Variants in SULT4A1 observed in about 807,000 individuals in gnomAD.
SULT4A1 encodes the protein sulfotransferase family 4A member 1, also known as sulfotransferase 4A1.
A neutral mutation model predicts 35.2 loss-of-function variants in SULT4A1; 11 were observed. The observed-to-expected ratio is 0.31, with a 90% confidence interval of 0.20 to 0.52. The LOEUF (loss-of-function observed/expected upper bound fraction) is 0.52, where lower values mean the gene tolerates loss of function less well. Among genes scored for constraint, SULT4A1 ranks in the 20% least tolerant of loss-of-function variants. The pLI is 0.97. For synonymous variants in SULT4A1, 152 were observed against 151.8 expected (o/e 1.00, Z -0.01); for missense variants, 271 against 383.7 (o/e 0.71, Z 2.45).
intron 1 of SULT4A1, 152 bp from the exon 2 acceptor site, chr22:43,842,084 C>G (rs997412740): frequency 2.4e-6 from 3 of 1,252,346 alleles, no homozygotes; most frequent in Non-Finnish European, 3.2e-6. Flanking sequence ...GCGCCCCGCA[C>G]GGTCTCAGCC....
intron 1 of SULT4A1, among the ~76,000 whole-genome samples, chr22:43,853,564 G>C (rs572057006): frequency 6.6e-6 from 1 of 152,330 alleles, no homozygotes; most frequent in African/African-American, 2.4e-5. Flanking sequence ...CCACAGTCAG[G>C]CCTGACCAGT....
intron 1 of SULT4A1, among the ~76,000 whole-genome samples, chr22:43,853,980 G>A (rs1683003232): frequency 6.6e-6 from 1 of 151,748 alleles, no homozygotes; most frequent in Non-Finnish European, 1.5e-5. Flanking sequence ...GGATGAGGGA[G>A]AAACTAGTTG....
intron 3 of SULT4A1, 105 bp from the exon 4 acceptor site, chr22:43,839,098 C>A: frequency 6.9e-7 from 1 of 1,459,178 alleles, no homozygotes; most frequent in Non-Finnish European, 9.4e-7. Flanking sequence ...CCTCACAAAC[C>A]AACACCTGCT....
chr22:43,832,763 T>G (rs895725772), intron 5 of SULT4A1, among the ~76,000 whole-genome samples: 2 of 152,156 alleles, frequency 1.3e-5, no homozygotes, highest in South Asian at 4.1e-4. Context: ...GGCGTCTTCC[T>G]GCAGGTGTGG....
intron 1 of SULT4A1, among the ~76,000 whole-genome samples, chr22:43,850,733 G>T (rs1246164897): frequency 6.6e-6 from 1 of 152,194 alleles, no homozygotes; most frequent in Non-Finnish European, 1.5e-5. Flanking sequence ...TGCTTCCTGG[G>T]CATGTGAGAC....
At chr22:43,833,486 C>T (rs1169530379) in intron 5 of SULT4A1, among the ~76,000 whole-genome samples, 154 bp downstream of exon 5, 1 of 151,692 alleles carries the variant, frequency 6.6e-6, no homozygotes, top group Non-Finnish European at 1.5e-5. Context: ...CCCCCAAGCC[C>T]CCTTCCAGCC....
intron 1 of SULT4A1, among the ~76,000 whole-genome samples, chr22:43,854,549 C>T (rs1433512924): frequency 6.6e-6 from 1 of 152,194 alleles, no homozygotes; most frequent in Non-Finnish European, 1.5e-5. Flanking sequence ...CCACCTACAC[C>T]CCTCAGCTGC....
intron 2 of SULT4A1, 90 bp downstream of exon 2, chr22:43,841,712 G>T: frequency 6.5e-7 from 1 of 1,534,390 alleles, no homozygotes; most frequent in Non-Finnish European, 8.8e-7. Context: ...CTAATCCACA[G>T]AGCCCCCAGG....
intron 6 of SULT4A1, chr22:43,826,399 G>A: frequency 1.0e-6 from 1 of 985,290 alleles, no homozygotes; most frequent in Non-Finnish European, 1.2e-6. Context: ...CCCCCGCTGG[G>A]GCCCACCAGG....
At chr22:43,844,131 C>G (rs780391753) in intron 1 of SULT4A1, among the ~76,000 whole-genome samples, 2 of 152,176 alleles carry the variant, frequency 1.3e-5, no homozygotes, top group Non-Finnish European at 2.9e-5. Flanking sequence ...TGTGTTGACT[C>G]TTGTGTGAGA....
intron 1 of SULT4A1, among the ~76,000 whole-genome samples, chr22:43,847,772 C>G (rs1037378533): frequency 6.6e-6 from 1 of 152,264 alleles, no homozygotes; most frequent in Non-Finnish European, 1.5e-5. Flanking sequence ...GAGCCCTGGA[C>G]ACTGTCCTAG....
intron 6 of SULT4A1, chr22:43,827,267 C>T: frequency 1.0e-6 from 1 of 985,388 alleles, no homozygotes; most frequent in Non-Finnish European, 1.2e-6. Context: ...CTTGTCCAGG[C>T]AGGACCTCAG....
chr22:43,856,749 C>T (rs1465251680), intron 1 of SULT4A1, among the ~76,000 whole-genome samples: 3 of 152,184 alleles, frequency 2.0e-5, no homozygotes, highest in African/African-American at 2.4e-5. Flanking sequence ...CCAGTGGTCA[C>T]TCAAGGTAAT....
chr22:43,830,391 A>T (rs906946531), intron 5 of SULT4A1, among the ~76,000 whole-genome samples: 1 of 152,244 alleles, frequency 6.6e-6, no homozygotes, highest in Non-Finnish European at 1.5e-5. Flanking sequence ...CGTGACGTCC[A>T]TCTCAGAGGA....
intron 1 of SULT4A1, among the ~76,000 whole-genome samples, chr22:43,848,220 T>C (rs1211733997): frequency 6.6e-6 from 1 of 152,116 alleles, no homozygotes; most frequent in Non-Finnish European, 1.5e-5. Flanking sequence ...CCTCCCTTCT[T>C]CACAGAGCTG....
At chr22:43,827,766 C>CACAA (rs769422320) in intron 6 of SULT4A1, 442 of 450,574 alleles carry the variant, frequency 9.8e-4, no homozygotes, top group Non-Finnish European at 1.2e-3. Context: ...CACACACACA[C>CACAA]ACACACACAC....
intron 1 of SULT4A1, among the ~76,000 whole-genome samples, chr22:43,859,925 C>T (rs2049446729): frequency 6.6e-6 from 1 of 152,208 alleles, no homozygotes; most frequent in Non-Finnish European, 1.5e-5. Flanking sequence ...GAGCACAGTC[C>T]TAACCCGCCA....
At chr22:43,831,430 A>G (rs2063325286) in intron 5 of SULT4A1, among the ~76,000 whole-genome samples, 1 of 151,958 alleles carries the variant, frequency 6.6e-6, no homozygotes, top group South Asian at 2.1e-4. Flanking sequence ...CAGCTGACAA[A>G]TGCACACCCA....
chr22:43,831,995 A>G (rs938804180), intron 5 of SULT4A1, among the ~76,000 whole-genome samples: 10 of 152,194 alleles, frequency 6.6e-5, no homozygotes, highest in Non-Finnish European at 1.2e-4. Context: ...CCACACAGTG[A>G]CGGGGGTGCT....
Sources: gnomAD v4.1 joint callset for allele counts (sites outside exome capture counted in the v4.1 genomes callset) on GRCh38, gnomAD v4.1.1 for gene constraint, MANE v1.5 for transcripts, NCBI Gene and HGNC (gene_info 2026-07-23, HGNC 2026-07-21) for gene names.